RERE: variants seen among roughly 807,000 people sequenced by gnomAD.
RERE encodes the protein arginine-glutamic acid dipeptide repeats protein.
In RERE, 40 loss-of-function variants were observed where a neutral mutation model predicts 146.1. The ratio of observed to expected loss-of-function variants is 0.27; its 90% confidence interval spans 0.21 to 0.36. RERE has a LOEUF of 0.36. Ranked by LOEUF, RERE falls within the 10% of genes least tolerant of loss-of-function variation. RERE has a pLI of 1.00. For synonymous variants in RERE, 1,003 were observed against 866.0 expected (o/e 1.16, Z -2.78); for missense variants, 1,933 against 2,138.7 (o/e 0.90, Z 1.90).
chr1:8,740,729 G>T (rs1640290587), intron 1 of RERE, among the ~76,000 whole-genome samples: 1 of 152,054 alleles, frequency 6.6e-6, no homozygotes, highest in African/African-American at 2.4e-5. Context: ...CATACACAGG[G>T]TGAGGATCAT....
chr1:8,618,407 C>T (rs760199987), intron 3 of RERE, among the ~76,000 whole-genome samples: 4 of 152,116 alleles, frequency 2.6e-5, no homozygotes, highest in African/African-American at 9.7e-5. Flanking sequence ...TGTCAAAGTC[C>T]GCGCTCTGAA....
At chr1:8,794,306 C>T (rs1403352209) in intron 1 of RERE, among the ~76,000 whole-genome samples, 4 of 134,444 alleles carry the variant, frequency 3.0e-5, no homozygotes, top group Admixed American at 9.2e-5. Context: ...TGTAGTGAGC[C>T]GAGATCGTGC....
chr1:8,804,361 G>C (rs1385157096), intron 1 of RERE, among the ~76,000 whole-genome samples: 1 of 152,092 alleles, frequency 6.6e-6, no homozygotes, highest in East Asian at 1.9e-4. Context: ...TGGAGGTGGG[G>C]GGTTATTCTT....
chr1:8,471,183 G>T (rs985508768), intron 10 of RERE, among the ~76,000 whole-genome samples: 1 of 152,118 alleles, frequency 6.6e-6, no homozygotes, highest in Non-Finnish European at 1.5e-5. Context: ...TCATAATAGG[G>T]AAACTTACCT....
At chr1:8,357,457 T>G (rs1641339602) in intron 20 of RERE, among the ~76,000 whole-genome samples, 1 of 152,222 alleles carries the variant, frequency 6.6e-6, no homozygotes, top group African/African-American at 2.4e-5. Context: ...TCAGTCATCC[T>G]GCCCCACACT....
At chr1:8,539,229 G>A (rs1052683492) in intron 7 of RERE, among the ~76,000 whole-genome samples, 1 of 151,906 alleles carries the variant, frequency 6.6e-6, no homozygotes, top group South Asian at 2.1e-4. Flanking sequence ...AATTTACCTG[G>A]GCAACAGGAA....
chr1:8,569,368 G>A (rs1467733749), intron 4 of RERE, among the ~76,000 whole-genome samples: 2 of 152,000 alleles, frequency 1.3e-5, no homozygotes, highest in South Asian at 2.1e-4. Context: ...TCATTTGGAG[G>A]GAATTAATGA....
At chr1:8,544,745 T>TA (rs1048690629) in intron 6 of RERE, among the ~76,000 whole-genome samples, 10 of 152,154 alleles carry the variant, frequency 6.6e-5, no homozygotes, top group African/African-American at 2.4e-4. Context: ...TACTGTATAT[T>TA]AAAAAACTAC....
rs565813068 is a variant in RERE at position 8,460,865 on chromosome 1, CA to C, written c.1203+5059del. ...CAGCTCACTGGAGCACCCAATCTTA[CA>C]ATCTTGCAAGTCAAACCAAACTCCA... On this transcript the variant is annotated intron_variant, in intron 11 of 22. Coordinates refer to ENST00000400908, the MANE Select transcript of RERE (RefSeq NM_001042681.2). Among the ~76,000 whole-genome samples, 21 of 152,294 alleles carry C rather than the reference CA, an allele frequency of 1.4e-4. No homozygotes were observed. In the South Asian group the frequency reaches 1.4e-3, roughly 11 times the overall value.
At chr1:8,392,784 G>C (rs1011014393) in intron 12 of RERE, among the ~76,000 whole-genome samples, 2 of 152,196 alleles carry the variant, frequency 1.3e-5, no homozygotes, top group Non-Finnish European at 2.9e-5. Flanking sequence ...ATCCTGTCTG[G>C]AAGATTACCA....
intron 1 of RERE, among the ~76,000 whole-genome samples, chr1:8,680,482 A>C (rs773160399): frequency 5.9e-5 from 9 of 152,208 alleles, no homozygotes; most frequent in Non-Finnish European, 1.2e-4. Context: ...GATTCCATAG[A>C]AAATGTTTCC....
chr1:8,464,449 G>A (rs1359607871), intron 11 of RERE, among the ~76,000 whole-genome samples: 1 of 152,106 alleles, frequency 6.6e-6, no homozygotes, highest in Non-Finnish European at 1.5e-5. Context: ...AACCCCCAGA[G>A]ACCACCGGAC....
chr1:8,762,482 G>A (rs1640773651), intron 1 of RERE, among the ~76,000 whole-genome samples: 1 of 152,134 alleles, frequency 6.6e-6, no homozygotes, highest in Non-Finnish European at 1.5e-5. Context: ...AAATTGTGAA[G>A]ACTAATCATA....
chr1:8,575,555 A>ATTTT (rs1557693784), intron 4 of RERE, among the ~76,000 whole-genome samples: 1 of 62,742 alleles, frequency 1.6e-5, no homozygotes, highest in Non-Finnish European at 3.3e-5. Flanking sequence ...ATATATATAT[A>ATTTT]TATATATTTT....
At chr1:8,781,070 A>C (rs960538884) in intron 1 of RERE, among the ~76,000 whole-genome samples, 13 of 151,784 alleles carry the variant, frequency 8.6e-5, no homozygotes, top group Admixed American at 6.6e-5. Context: ...AAAAAAAAAA[A>C]TTCTCGGCCA....
In RERE at chr1:8,355,049, A is replaced by T. The variant is rs1175889393; in HGVS notation, c.*38T>A. 6.9e-6 allele frequency: 11 copies of T among 1,583,850 alleles called. No homozygotes were observed. The highest frequency in any genetic ancestry group is 8.7e-6 in the Non-Finnish European group (10 of 1,153,926). ...AAAAGTCCTGTTTCTCCCCCCAAGA[A>T]CTGGGGTTTCCACAGCCAGCGTTAA... On this transcript the variant is annotated 3_prime_UTR_variant, in exon 23 of 23. Coordinates refer to ENST00000400908, the MANE Select transcript of RERE (RefSeq NM_001042681.2).
At chr1:8,726,160 T>TTA (rs1368436233) in intron 1 of RERE, among the ~76,000 whole-genome samples, 1 of 129,684 alleles carries the variant, frequency 7.7e-6, no homozygotes, top group Admixed American at 7.5e-5. Context: ...TTTTTTTTTT[T>TTA]TTTTTTTTTT....
intron 4 of RERE, among the ~76,000 whole-genome samples, chr1:8,591,930 C>T (rs756946577): frequency 6.6e-5 from 10 of 152,186 alleles, no homozygotes; most frequent in South Asian, 4.1e-4. Context: ...TAATCCCTTC[C>T]TCTAAAGGTG....
At chr1:8,668,429 G>A (rs1392605833) in intron 1 of RERE, among the ~76,000 whole-genome samples, 3 of 152,192 alleles carry the variant, frequency 2.0e-5, no homozygotes, top group Non-Finnish European at 4.4e-5. Context: ...AAAACCTGGT[G>A]TCCACAAATG....
Sources: gnomAD v4.1 joint callset for allele counts (sites outside exome capture counted in the v4.1 genomes callset) on GRCh38, gnomAD v4.1.1 for gene constraint, MANE v1.5 for transcripts, NCBI Gene and HGNC (gene_info 2026-07-23, HGNC 2026-07-21) for gene names.